MIPOL1: variants seen among roughly 807,000 people sequenced by gnomAD.
MIPOL1 encodes mirror-image polydactyly gene 1 protein.
A neutral mutation model predicts 60.9 loss-of-function variants in MIPOL1; 57 were observed. The ratio of observed to expected loss-of-function variants is 0.94; its 90% CI spans 0.76 to 1.17. The LOEUF is 1.17. Among genes scored for constraint, MIPOL1 ranks in the 50% most tolerant of loss-of-function variants. MIPOL1 has a pLI of 0.00. For synonymous variants in MIPOL1, 179 were observed against 168.8 expected (o/e 1.06, Z -0.47); for missense variants, 551 against 511.6 (o/e 1.08, Z -0.74).
intron 9 of MIPOL1, among the ~76,000 whole-genome samples, chr14:37,320,621 A>G (rs1349868451): frequency 6.6e-6 from 1 of 151,514 alleles, no homozygotes; most frequent in Non-Finnish European, 1.5e-5. Flanking sequence ...CTAATTTATC[A>G]TTTTTTTCTC....
intron 11 of MIPOL1, among the ~76,000 whole-genome samples, chr14:37,489,749 G>C (rs1053239906): frequency 1.3e-5 from 2 of 152,166 alleles, no homozygotes; most frequent in Admixed American, 1.3e-4. Flanking sequence ...GTCCACTCTA[G>C]ACCCTGTTTG....
intron 1 of MIPOL1, among the ~76,000 whole-genome samples, chr14:37,220,861 G>A (rs568674477): frequency 1.3e-5 from 2 of 152,054 alleles, no homozygotes; most frequent in South Asian, 2.1e-4. Context: ...CTGCAGCCTC[G>A]AACTCCTTGT....
chr14:37,462,766 T>C (rs1428502535), intron 11 of MIPOL1, among the ~76,000 whole-genome samples: 1 of 152,142 alleles, frequency 6.6e-6, no homozygotes, highest in African/African-American at 2.4e-5. Flanking sequence ...AGTGACCTTT[T>C]CTCCAGTTCC....
chr14:37,496,655 T>C, intron 11 of MIPOL1, among the ~76,000 whole-genome samples: 2 of 147,824 alleles, frequency 1.4e-5, no homozygotes, highest in Non-Finnish European at 1.5e-5. Flanking sequence ...TAAAAGAGGA[T>C]ACAAACAAAT....
chr14:37,446,588 G>C (rs564542883), intron 11 of MIPOL1, among the ~76,000 whole-genome samples: 3 of 152,038 alleles, frequency 2.0e-5, no homozygotes, highest in Non-Finnish European at 4.4e-5. Context: ...ATACCCAAAG[G>C]ATTATAAATC....
At chr14:37,307,975 TC>T (rs1456158935) in intron 7 of MIPOL1, 80 bp from the exon 8 acceptor site, 17 of 1,156,604 alleles carry the variant, frequency 1.5e-5, no homozygotes, top group Admixed American at 8.0e-5. Flanking sequence ...TACTTGAGGT[TC>T]TAAAGATTTA....
chr14:37,323,244 C>T (rs983002062), intron 9 of MIPOL1, among the ~76,000 whole-genome samples: 1 of 151,728 alleles, frequency 6.6e-6, no homozygotes, highest in African/African-American at 2.4e-5. Flanking sequence ...TCCTTTCCCC[C>T]TTGCTTGTTT....
chr14:37,258,795 A>G (rs1975389607), intron 3 of MIPOL1, among the ~76,000 whole-genome samples: 1 of 152,132 alleles, frequency 6.6e-6, no homozygotes, highest in Admixed American at 6.6e-5. Flanking sequence ...ACTTTTCCTC[A>G]ATAGGATGAA....
intron 11 of MIPOL1, among the ~76,000 whole-genome samples, chr14:37,453,243 C>T (rs1244941951): frequency 6.6e-6 from 1 of 152,016 alleles, no homozygotes; most frequent in Non-Finnish European, 1.5e-5. Context: ...TTACTTCCTA[C>T]ATCTTGTGAG....
At chr14:37,422,293 G>A (rs1018222549) in intron 10 of MIPOL1, among the ~76,000 whole-genome samples, 2 of 151,720 alleles carry the variant, frequency 1.3e-5, no homozygotes, top group Admixed American at 6.6e-5. Context: ...CTCCCCTTTC[G>A]GGATTTGTTT....
chr14:37,440,573 G>A (rs548248262), intron 11 of MIPOL1, among the ~76,000 whole-genome samples: 6 of 152,048 alleles, frequency 3.9e-5, no homozygotes, highest in Non-Finnish European at 5.9e-5. Flanking sequence ...AATGACTTCC[G>A]GTTCCATTCG....
In MIPOL1 at chr14:37,294,326, G is replaced by A. The variant is rs564611754; in HGVS notation, c.623+8879G>A. Among the ~76,000 whole-genome samples, 681 of 152,224 alleles carry A rather than the reference G, an allele frequency of 4.5e-3. 4 individuals are homozygous for A. Among genetic ancestry groups the A allele is most frequent in the Non-Finnish European group, 7.3e-3 (498 of 68,012 alleles). ...CCATCTGTATGTCACCATCATCAAA[G>A]ACCAAAGGTAGATAAAACCACAAAG... On this transcript the variant is annotated intron_variant, in intron 7 of 12. Coordinates refer to ENST00000684589, the MANE Select transcript of MIPOL1 (RefSeq NM_001388067.1).
chr14:37,492,631 G>A (rs189476587), intron 11 of MIPOL1, among the ~76,000 whole-genome samples: 3 of 152,030 alleles, frequency 2.0e-5, no homozygotes, highest in African/African-American at 2.4e-5. Flanking sequence ...CATAGTTTTC[G>A]AGTTGAAATT....
intron 9 of MIPOL1, among the ~76,000 whole-genome samples, chr14:37,329,053 G>GT (rs556111113): frequency 2.0e-3 from 301 of 151,280 alleles, no homozygotes; most frequent in Middle Eastern, 6.9e-3. Flanking sequence ...ATTATACTTT[G>GT]TTTTTTTTTA....
intron 9 of MIPOL1, among the ~76,000 whole-genome samples, chr14:37,340,977 C>T (rs774565603): frequency 9.2e-5 from 14 of 152,096 alleles, no homozygotes; most frequent in Non-Finnish European, 1.6e-4. Flanking sequence ...TACTTAACAT[C>T]GTGTTACACT....
At chr14:37,538,117 G>T (rs1472261210) in intron 12 of MIPOL1, among the ~76,000 whole-genome samples, 2 of 152,150 alleles carry the variant, frequency 1.3e-5, no homozygotes, top group East Asian at 3.8e-4. Context: ...AGTATGCTCT[G>T]ACAGCCAAAC....
intron 11 of MIPOL1, among the ~76,000 whole-genome samples, chr14:37,475,823 A>G (rs1286971029): frequency 6.6e-6 from 1 of 152,146 alleles, no homozygotes. Flanking sequence ...CTTGATTACC[A>G]TAGCGGTATA....
intron 6 of MIPOL1, among the ~76,000 whole-genome samples, chr14:37,272,124 T>C (rs1295410861): frequency 1.3e-5 from 2 of 151,594 alleles, no homozygotes; most frequent in African/African-American, 4.8e-5. Flanking sequence ...TGTCAATTAT[T>C]TAAAAGATGT....
At position 37,401,617 on chromosome 14, in the gene MIPOL1, T is replaced by C. The variant is rs566094478; in HGVS notation, c.937-21238T>C. ...GATCCTATATTTAGCCAAAATATCATTTATAGAGGAGGGCAAAACAAAGAC... is the reference window on the plus strand; with the variant it reads ...GATCCTATATTTAGCCAAAATATCACTTATAGAGGAGGGCAAAACAAAGAC... On this transcript the variant is annotated intron_variant, in intron 10 of 12. Coordinates refer to ENST00000684589, the MANE Select transcript of MIPOL1 (RefSeq NM_001388067.1). 3 of 152,132 alleles carry C rather than the reference T, an allele frequency of 2.0e-5. No homozygotes were observed. The East Asian group carries it at 5.8e-4, about 29-fold the overall frequency. The allele number at this position is 152,132 out of a possible 1,614,324, so 9.4% of individuals were successfully genotyped here.
Sources: gnomAD v4.1 joint callset for allele counts (sites outside exome capture counted in the v4.1 genomes callset) on GRCh38, gnomAD v4.1.1 for gene constraint, MANE v1.5 for transcripts, NCBI Gene and HGNC (gene_info 2026-07-23, HGNC 2026-07-21) for gene names.